Variants in FAM227B observed in about 807,000 individuals in gnomAD.
FAM227B encodes the protein family with sequence similarity 227 member B.
Under a neutral mutation model 73.8 loss-of-function variants are expected in FAM227B, and 88 were observed. The observed-to-expected ratio is 1.19, with a 90% CI of 1.00 to 1.42. The LOEUF (loss-of-function observed/expected upper bound fraction) is 1.42, where lower values mean the gene tolerates loss of function less well. FAM227B is among the 40% of genes most tolerant of loss of function. The probability of loss-of-function intolerance (pLI) is 0.00; values close to 1 mark genes in which losing one functional copy is unlikely to be tolerated. For missense variants in FAM227B, 632 were observed against 590.9 expected (o/e 1.07, Z -0.72); for synonymous variants, 210 against 190.5 (o/e 1.10, Z -0.84).
chr15:49,468,540 A>T (rs2151954960), intron 11 of FAM227B, among the ~76,000 whole-genome samples: 1 of 152,302 alleles, frequency 6.6e-6, no homozygotes, highest in East Asian at 1.9e-4. Flanking sequence ...AGTATTATCA[A>T]CCATATGTAT....
intron 11 of FAM227B, among the ~76,000 whole-genome samples, chr15:49,408,356 T>G (rs909953765): frequency 3.3e-5 from 5 of 152,216 alleles, no homozygotes; most frequent in Non-Finnish European, 5.9e-5. Flanking sequence ...TTTTAGAAAC[T>G]TTCAATATTT....
At chr15:49,594,928 A>G (rs2152419620) in intron 3 of FAM227B, among the ~76,000 whole-genome samples, 1 of 152,106 alleles carries the variant, frequency 6.6e-6, no homozygotes, top group South Asian at 2.1e-4. Context: ...GTTACATATA[A>G]ATTTTAGGAC....
intron 11 of FAM227B, 113 bp downstream of exon 11, chr15:49,508,098 T>G (rs912103071): frequency 1.9e-4 from 205 of 1,091,552 alleles, no homozygotes; most frequent in Non-Finnish European, 2.4e-4. Context: ...AAATCAAATG[T>G]TATTTTAAGG....
intron 11 of FAM227B, among the ~76,000 whole-genome samples, chr15:49,450,393 AT>A (rs963365833): frequency 1.4e-4 from 21 of 151,702 alleles, no homozygotes; most frequent in African/African-American, 4.6e-4. Flanking sequence ...TGCTAAAGAT[AT>A]TTTTTTTCCC....
At chr15:49,500,366 C>T (rs555454960) in intron 11 of FAM227B, among the ~76,000 whole-genome samples, 3 of 152,244 alleles carry the variant, frequency 2.0e-5, no homozygotes, top group East Asian at 1.9e-4. Context: ...CAGAACCCCA[C>T]AAAGCCACAG....
chr15:49,407,836 C>T (rs72727279), intron 11 of FAM227B, among the ~76,000 whole-genome samples: 18 of 151,972 alleles, frequency 1.2e-4, no homozygotes, highest in Non-Finnish European at 2.2e-4. Context: ...CTTTCATGCC[C>T]GGTTGTTGTC....
At chr15:49,490,814 A>G (rs2057026406) in intron 11 of FAM227B, among the ~76,000 whole-genome samples, 1 of 151,984 alleles carries the variant, frequency 6.6e-6, no homozygotes, top group African/African-American at 2.4e-5. Flanking sequence ...AATAGATACA[A>G]CCAGGCTAGA....
At chr15:49,393,608 T>G (rs1386689138) in intron 11 of FAM227B, among the ~76,000 whole-genome samples, 1 of 152,136 alleles carries the variant, frequency 6.6e-6, no homozygotes, top group African/African-American at 2.4e-5. Flanking sequence ...TTAAACCAAG[T>G]CCTTTCTCAG....
In FAM227B at chr15:49,568,406, A is replaced by G. The variant is rs149941378; in HGVS notation, c.646-60T>C. ...CAATTTAAAACTGGAATTTGTTTAC[A>G]TGATGACAGCAATTTCATTTATTCT... is the stretch of plus-strand genomic sequence containing the variant. On this transcript the variant is annotated intron_variant, in intron 8 of 15. Transcript: ENST00000299338. 47 of 1,303,678 alleles carry G rather than the reference A, an allele frequency of 3.6e-5. No homozygotes were observed. The East Asian group carries it at 9.8e-4, about 27-fold the overall frequency. 80.8% of individuals were successfully genotyped at this position (1,303,678 alleles called of 1,614,324 possible). A position where few individuals can be genotyped will look rare whatever the true frequency, so the allele number is the denominator to read the frequency against.
At chr15:49,491,862 A>G (rs1268087316) in intron 11 of FAM227B, among the ~76,000 whole-genome samples, 2 of 151,930 alleles carry the variant, frequency 1.3e-5, no homozygotes, top group African/African-American at 2.4e-5. Context: ...GATAAAAGTA[A>G]AAGTAACTAT....
At chr15:49,421,155 T>A (rs1217777819) in intron 11 of FAM227B, among the ~76,000 whole-genome samples, 1 of 152,222 alleles carries the variant, frequency 6.6e-6, no homozygotes, top group East Asian at 1.9e-4. Context: ...TGCCAATGTA[T>A]AACTTAAAAC....
At chr15:49,372,684 G>GAA (rs759855824) in intron 11 of FAM227B, among the ~76,000 whole-genome samples, 2 of 152,164 alleles carry the variant, frequency 1.3e-5, no homozygotes, top group Non-Finnish European at 2.9e-5. Flanking sequence ...CCTAAAAGCA[G>GAA]AAGCTAGGTA....
chr15:49,374,719 T>C (rs2046047606), intron 11 of FAM227B, among the ~76,000 whole-genome samples: 1 of 152,222 alleles, frequency 6.6e-6, no homozygotes, highest in Non-Finnish European at 1.5e-5. Context: ...ATTTTTACTA[T>C]TTTTAGTAGA....
intron 11 of FAM227B, among the ~76,000 whole-genome samples, chr15:49,413,206 A>G (rs995442513): frequency 1.3e-5 from 2 of 152,016 alleles, no homozygotes; most frequent in African/African-American, 4.8e-5. Flanking sequence ...CTGGTGGGAG[A>G]TAAGTGAATC....
At chr15:49,400,822 C>T (rs1310906434) in intron 11 of FAM227B, among the ~76,000 whole-genome samples, 1 of 150,790 alleles carries the variant, frequency 6.6e-6, no homozygotes, top group Non-Finnish European at 1.5e-5. Context: ...AACTTGATCC[C>T]TTCCTTACAC....
intron 7 of FAM227B, chr15:49,576,499 G>A (rs895106141): frequency 9.0e-6 from 3 of 332,912 alleles, no homozygotes; most frequent in South Asian, 4.5e-5. Context: ...CACCTGTTAC[G>A]GTTACATGCC....
chr15:49,494,450 C>T (rs1360859370), intron 11 of FAM227B, among the ~76,000 whole-genome samples: 1 of 152,146 alleles, frequency 6.6e-6, no homozygotes, highest in African/African-American at 2.4e-5. Context: ...GTCCATGTTA[C>T]AAGACGGACT....
At chr15:49,603,489 C>T (rs1402605557) in intron 3 of FAM227B, among the ~76,000 whole-genome samples, 1 of 150,088 alleles carries the variant, frequency 6.7e-6, no homozygotes, top group Non-Finnish European at 1.5e-5. Context: ...TTGTATCCTG[C>T]AAGCTTACTG....
At chr15:49,424,247 A>G in intron 11 of FAM227B, 1 of 1,521,310 alleles carries the variant, frequency 6.6e-7, no homozygotes, top group Non-Finnish European at 9.0e-7. Context: ...CAATCAACTC[A>G]AGATTCATTT....
Sources: gnomAD v4.1 joint callset for allele counts (sites outside exome capture counted in the v4.1 genomes callset) on GRCh38, gnomAD v4.1.1 for gene constraint, MANE v1.5 for transcripts, NCBI Gene and HGNC (gene_info 2026-07-23, HGNC 2026-07-21) for gene names.